Variants in SNX29 observed in about 807,000 individuals in gnomAD.
SNX29 encodes the protein sorting nexin-29.
Under a neutral mutation model 102.1 loss-of-function variants are expected in SNX29, and 78 were observed. The observed-to-expected ratio is 0.76, with a 90% CI of 0.64 to 0.92. The LOEUF is 0.92. Ranked by LOEUF, SNX29 falls within the 40% of genes least tolerant of loss-of-function variation. The pLI is 0.00. For missense variants in SNX29, 1,280 were observed against 1,061.7 expected, an observed-to-expected ratio of 1.21 and a Z score of -2.86; for synonymous variants, 580 against 414.5, an observed-to-expected ratio of 1.40 and a Z score of -4.85.
Position 12,573,309 on chromosome 16 carries a change from G to A in SNX29, c.*4680G>A, listed in dbSNP as rs943954406. On this transcript the variant is annotated 3_prime_UTR_variant, in exon 21 of 21. Transcript: ENST00000566228. ...TGAGCCATTGCCATCTTATGGGCCC[G>A]ATTTGGGTACTCTGAATTATGTCAT... is the stretch of plus-strand genomic sequence containing the variant. The A allele has an allele frequency of 1.6e-4, 36 of 226,498 alleles. No individual in the cohort carries two copies. The highest frequency in any genetic ancestry group is 4.9e-4 in the African/African-American group (22 of 44,958). 14.0% of individuals were successfully genotyped at this position (226,498 alleles called of 1,614,324 possible).
chr16:12,242,746 C>G (rs1596608823), intron 14 of SNX29, among the ~76,000 whole-genome samples: 1 of 151,854 alleles, frequency 6.6e-6, no homozygotes, highest in East Asian at 1.9e-4. Flanking sequence ...CTCAACCTAC[C>G]AGGCTCCAGC....
In SNX29 at chr16:12,048,552, T is replaced by C; in HGVS notation, c.680T>C (p.Val227Ala). 1.2e-6 allele frequency: 2 copies of C among 1,613,850 alleles called. No homozygotes were observed. The highest frequency in any genetic ancestry group is 8.5e-7 in the Non-Finnish European group (1 of 1,179,832). The part of the protein sequence containing the change: ...LFREITASSA[V>A]SILIKPEQET... ...AGGGAGATCACAGCCTCCTCTGCCG[T>C]CTCCATCCTCATCAAACCTGAACAG... The change falls in exon 7 of 21, where the codon GTC (valine) becomes GCC (alanine). Residue 227 changes from valine (V) to alanine (A), a missense_variant. Transcript: ENST00000566228.
At chr16:12,009,554 A>G (rs1025978311) in intron 3 of SNX29, among the ~76,000 whole-genome samples, 19 of 152,126 alleles carry the variant, frequency 1.2e-4, no homozygotes, top group African/African-American at 3.9e-4. Flanking sequence ...ATGGAACATA[A>G]AACAGTATTG....
At chr16:12,057,767 C>G (rs560823248) in intron 8 of SNX29, among the ~76,000 whole-genome samples, 1 of 151,534 alleles carries the variant, frequency 6.6e-6, no homozygotes, top group South Asian at 2.1e-4. Flanking sequence ...TGTTATGAAG[C>G]TGAGCTAATG....
At chr16:12,160,689 C>T (rs909715719) in intron 13 of SNX29, among the ~76,000 whole-genome samples, 1 of 147,318 alleles carries the variant, frequency 6.8e-6, no homozygotes. Context: ...ACTGGACATG[C>T]ACTTTAAAAG....
chr16:12,360,874 G>A (rs997212085), intron 16 of SNX29, among the ~76,000 whole-genome samples: 2 of 152,220 alleles, frequency 1.3e-5, no homozygotes, highest in Admixed American at 6.5e-5. Flanking sequence ...GAGGTTCAGA[G>A]AAGCCTCCAG....
rs1371291435 is a variant in SNX29 at position 12,568,488 on chromosome 16, C to T, written c.2319-18C>T. 2 of 1,608,678 alleles carry T rather than the reference C, an allele frequency of 1.2e-6. No individual in the cohort carries two copies. The highest frequency in any genetic ancestry group is 1.7e-5 in the Admixed American group (1 of 59,996). On this transcript the variant is annotated intron_variant, in intron 20 of 20. Coordinates refer to ENST00000566228, the MANE Select transcript of SNX29 (RefSeq NM_032167.5). ...TTTCATCCCCAGACTTAACCCGATT[C>T]TCTCCCTGCTCTTTCAGCGACATCA...
chr16:12,514,002 C>G lies in SNX29; in HGVS notation c.2179-10700C>G, dbSNP rs925701316. On this transcript the variant is annotated intron_variant, in intron 19 of 20. Transcript: ENST00000566228. ...GGGTGCTGGGAGCCCAGGCGTCCCC[C>G]GTTATAAAGCAGAGTTCACAGGTTG... Among the ~76,000 whole-genome samples the G allele has an allele frequency of 2.0e-5, 3 of 152,288 alleles. No homozygotes were observed. In the East Asian group the frequency reaches 5.8e-4, roughly 29 times the overall value.
chr16:12,526,456 T>G, intron 20 of SNX29: 7 of 463,350 alleles, frequency 1.5e-5, no homozygotes, highest in South Asian at 1.2e-4. Flanking sequence ...TATAGTATCC[T>G]GCTGCCTGTG....
At chr16:12,151,514 G>A (rs1396869275) in intron 13 of SNX29, among the ~76,000 whole-genome samples, 6 of 152,124 alleles carry the variant, frequency 3.9e-5, no homozygotes, top group Non-Finnish European at 5.9e-5. Flanking sequence ...CATGTTCTGC[G>A]TGATCTGACC....
At chr16:12,542,299 C>G (rs2077378074) in intron 20 of SNX29, among the ~76,000 whole-genome samples, 1 of 152,150 alleles carries the variant, frequency 6.6e-6, no homozygotes. Context: ...TGCCCAAGAT[C>G]ACAGCTAGTA....
At chr16:12,304,567 T>A (rs1047615046) in intron 15 of SNX29, among the ~76,000 whole-genome samples, 19 of 152,222 alleles carry the variant, frequency 1.2e-4, no homozygotes, top group African/African-American at 4.6e-4. Context: ...CATGTAAATG[T>A]CTTTGAATAG....
At chr16:12,546,417 C>G (rs1295249030) in intron 20 of SNX29, 1 of 152,170 alleles carries the variant, frequency 6.6e-6, no homozygotes, top group Non-Finnish European at 1.5e-5. Flanking sequence ...AAGCTCTTTG[C>G]ATGGCACCAT....
intron 20 of SNX29, among the ~76,000 whole-genome samples, chr16:12,537,953 C>G (rs557241278): frequency 2.0e-4 from 30 of 147,956 alleles, no homozygotes; most frequent in African/African-American, 5.6e-4. Flanking sequence ...CCACTGCACT[C>G]CAGCCTGGGC....
At position 12,320,838 on chromosome 16, in the gene SNX29, A is replaced by G. The variant is rs551432292; in HGVS notation, c.1783-35325A>G. ...TTCCAATTCTTTAGATGAAAAGGCAATTGGGAGTTTAAGCAAATCTGGGAC... is the reference window on the plus strand; with the variant it reads ...TTCCAATTCTTTAGATGAAAAGGCAGTTGGGAGTTTAAGCAAATCTGGGAC... On this transcript the variant is annotated intron_variant, in intron 15 of 20. Transcript: ENST00000566228. Among the ~76,000 whole-genome samples the G allele has an allele frequency of 3.9e-5, 6 of 152,322 alleles. No individual in the cohort carries two copies. The South Asian group carries it at 6.2e-4, about 16-fold the overall frequency.
chr16:12,332,693 C>G (rs561452321), intron 15 of SNX29, among the ~76,000 whole-genome samples: 19 of 152,286 alleles, frequency 1.2e-4, no homozygotes, highest in African/African-American at 4.3e-4. Flanking sequence ...TGGCCGCCAC[C>G]AGGGTTGGGC....
chr16:12,433,525 A>G (rs1352751898), intron 18 of SNX29, among the ~76,000 whole-genome samples: 2 of 151,584 alleles, frequency 1.3e-5, no homozygotes, highest in East Asian at 3.9e-4. Flanking sequence ...CAGCTACTAA[A>G]GAGGCTGAGG....
At chr16:12,135,067 C>G (rs145458323) in intron 13 of SNX29, among the ~76,000 whole-genome samples, 392 of 152,290 alleles carry the variant, frequency 2.6e-3, no homozygotes, top group Non-Finnish European at 4.3e-3. Context: ...GAGCCATGTC[C>G]CAGCTCAAGC....
In SNX29 at chr16:12,570,159, C is replaced by T. The variant is rs773536110; in HGVS notation, c.*1530C>T. The T allele has an allele frequency of 1.5e-5, 16 of 1,062,502 alleles. No homozygotes were observed. The highest frequency in any genetic ancestry group is 1.0e-4 in the East Asian group (2 of 19,930). The allele number at this position is 1,062,502 out of a possible 1,614,324, so 65.8% of individuals were successfully genotyped here. A position where few individuals can be genotyped will look rare whatever the true frequency, so the allele number is the denominator to read the frequency against. ...AGGCTGAGATCACTCACACACAGCG[C>T]CCCCCCACCCCAGAGAAACCGAGTC... is the stretch of plus-strand genomic sequence containing the variant. On this transcript the variant is annotated 3_prime_UTR_variant, in exon 21 of 21. Transcript: ENST00000566228.
Sources: gnomAD v4.1 joint callset for allele counts (sites outside exome capture counted in the v4.1 genomes callset) on GRCh38, gnomAD v4.1.1 for gene constraint, MANE v1.5 for transcripts, NCBI Gene and HGNC (gene_info 2026-07-23, HGNC 2026-07-21) for gene names.